The following WWOX variants were observed in gnomAD, a reference collection of about 807,000 sequenced individuals.
WWOX encodes WW domain-containing oxidoreductase.
In WWOX, 69 loss-of-function variants were observed where a neutral mutation model predicts 46.2. The ratio of observed to expected loss-of-function variants is 1.49; its 90% CI spans 1.23 to 1.82. The LOEUF (loss-of-function observed/expected upper bound fraction) is 1.82. WWOX is among the 40% of genes most tolerant of loss of function. WWOX has a pLI of 0.00. For synonymous variants in WWOX, 359 were observed against 202.6 expected (o/e 1.77, Z -6.56); for missense variants, 919 against 542.6 (o/e 1.69, Z -6.89).
intron 8 of WWOX, among the ~76,000 whole-genome samples, chr16:78,779,175 G>C (rs893805813): frequency 3.9e-5 from 6 of 152,204 alleles, no homozygotes; most frequent in African/African-American, 1.2e-4. Flanking sequence ...TTGAGACAGG[G>C]TCTTTGTTTC....
intron 8 of WWOX, among the ~76,000 whole-genome samples, chr16:78,516,530 C>G (rs774065507): frequency 6.6e-6 from 1 of 152,168 alleles, no homozygotes; most frequent in South Asian, 2.1e-4. Flanking sequence ...TATCTGAACT[C>G]AGATTTCCTC....
intron 8 of WWOX, among the ~76,000 whole-genome samples, chr16:78,750,005 T>G (rs2049438324): frequency 6.6e-6 from 1 of 152,170 alleles, no homozygotes; most frequent in Non-Finnish European, 1.5e-5. Flanking sequence ...AACAATCCCT[T>G]CTTGTCGTTC....
intron 8 of WWOX, among the ~76,000 whole-genome samples, chr16:78,996,659 T>TC (rs1475559308): frequency 6.6e-6 from 1 of 151,706 alleles, no homozygotes; most frequent in African/African-American, 2.4e-5. Context: ...GTGCTCTACA[T>TC]CCCCCCAAAA....
In WWOX at chr16:78,761,510, T is replaced by G. The variant is rs75046770; in HGVS notation, c.1056+328758T>G. On this transcript the variant is annotated intron_variant, in intron 8 of 8. Coordinates refer to ENST00000566780, the MANE Select transcript of WWOX (RefSeq NM_016373.4). ...ATCTGTAGTGGTTGGTCTGCTGCTT[T>G]TCTTTCTCTGCTCATCTACCCTGAT... Among the ~76,000 whole-genome samples the G allele has an allele frequency of 3.9e-5, 6 of 152,294 alleles. No homozygotes were observed. The East Asian group carries it at 7.7e-4, about 20-fold the overall frequency.
At chr16:78,671,783 A>G (rs1440726142) in intron 8 of WWOX, among the ~76,000 whole-genome samples, 4 of 152,206 alleles carry the variant, frequency 2.6e-5, no homozygotes, top group African/African-American at 9.6e-5. Flanking sequence ...AAGCACCATC[A>G]GTATTCAATT....
At chr16:78,515,729 A>G (rs2043221365) in intron 8 of WWOX, among the ~76,000 whole-genome samples, 1 of 152,136 alleles carries the variant, frequency 6.6e-6, no homozygotes, top group African/African-American at 2.4e-5. Flanking sequence ...CCGTTGCCCT[A>G]GGTCTGCGTG....
At chr16:78,431,955 A>G (rs1002521700) in intron 7 of WWOX, among the ~76,000 whole-genome samples, 11 of 152,172 alleles carry the variant, frequency 7.2e-5, no homozygotes, top group Non-Finnish European at 1.0e-4. Flanking sequence ...CACTCAAGCA[A>G]TCCTCCCGCC....
intron 5 of WWOX, chr16:78,167,055 T>G (rs2034998147): frequency 6.6e-6 from 1 of 152,242 alleles, no homozygotes; most frequent in African/African-American, 2.4e-5. Flanking sequence ...GTAACCTGAT[T>G]GTACAGTGAC....
intron 8 of WWOX, among the ~76,000 whole-genome samples, chr16:79,052,648 A>T (rs143549484): frequency 6.6e-6 from 1 of 152,176 alleles, no homozygotes. Context: ...TTTCCAGCCA[A>T]TGGAAACCGG....
chr16:78,773,437 C>T (rs7205435), intron 8 of WWOX, among the ~76,000 whole-genome samples: 65,564 of 152,050 alleles, frequency 0.43, 14,784 homozygotes, highest in Middle Eastern at 0.55. Context: ...TTTGGCTCCC[C>T]TCGGGACATT....
At chr16:78,224,833 A>G (rs1379958218) in intron 5 of WWOX, among the ~76,000 whole-genome samples, 1 of 152,172 alleles carries the variant, frequency 6.6e-6, no homozygotes, top group Non-Finnish European at 1.5e-5. Flanking sequence ...TTTACTGTGC[A>G]TTTTCTTGAT....
intron 8 of WWOX, among the ~76,000 whole-genome samples, chr16:79,165,002 C>T (rs1425322899): frequency 2.0e-5 from 3 of 152,168 alleles, no homozygotes; most frequent in African/African-American, 7.2e-5. Context: ...AAATGTTCCA[C>T]ACCCTTATGT....
chr16:78,583,090 T>C (rs759887544), intron 8 of WWOX, among the ~76,000 whole-genome samples: 7 of 152,206 alleles, frequency 4.6e-5, no homozygotes, highest in Non-Finnish European at 8.8e-5. Flanking sequence ...TTGAAGAAGA[T>C]GGGAGTTAGG....
chr16:78,371,686 T>C (rs527318783), intron 5 of WWOX, among the ~76,000 whole-genome samples: 59 of 152,326 alleles, frequency 3.9e-4, no homozygotes, highest in African/African-American at 1.2e-3. Context: ...TTTTTATCTT[T>C]AGTGTTTAGT....
At chr16:78,416,300 T>G (rs148489719) in intron 6 of WWOX, among the ~76,000 whole-genome samples, 119 of 152,346 alleles carry the variant, frequency 7.8e-4, no homozygotes, top group South Asian at 3.9e-3. Context: ...ATTTGAATAA[T>G]AAGAACCTCA....
intron 5 of WWOX, among the ~76,000 whole-genome samples, chr16:78,261,776 C>CTATATATA (rs1420854261): frequency 5.2e-4 from 20 of 38,360 alleles, no homozygotes; most frequent in East Asian, 3.3e-3. Flanking sequence ...ATCTATGTAT[C>CTATATATA]TATCTATCTA....
intron 8 of WWOX, among the ~76,000 whole-genome samples, chr16:78,575,045 ATAT>A (rs2044832218): frequency 7.0e-4 from 5 of 7,164 alleles, no homozygotes; most frequent in Non-Finnish European, 1.3e-3. Flanking sequence ...ATATATATAT[ATAT>A]ATATATATAT....
At chr16:78,164,420 C>T (rs2034906270) in intron 5 of WWOX, 131 bp downstream of exon 5, 3 of 836,402 alleles carry the variant, frequency 3.6e-6, no homozygotes, top group Middle Eastern at 2.2e-4. Context: ...AAGTCATCTT[C>T]ACTTTGTTTG....
chr16:79,011,173 A>T (rs1276369453), intron 8 of WWOX, among the ~76,000 whole-genome samples: 1 of 143,448 alleles, frequency 7.0e-6, no homozygotes, highest in African/African-American at 2.6e-5. Flanking sequence ...ACACACACAC[A>T]CTTTTTTGGA....
Sources: gnomAD v4.1 joint callset for allele counts (sites outside exome capture counted in the v4.1 genomes callset) on GRCh38, gnomAD v4.1.1 for gene constraint, MANE v1.5 for transcripts, NCBI Gene and HGNC (gene_info 2026-07-23, HGNC 2026-07-21) for gene names.